MACROD2: variants seen among roughly 807,000 people sequenced by gnomAD.
The protein encoded by MACROD2 is ADP-ribose glycohydrolase MACROD2.
Under a neutral mutation model 70.4 loss-of-function variants are expected in MACROD2, and 36 were observed. That is an observed-to-expected ratio of 0.51 (90% CI 0.39 to 0.68). MACROD2 has a LOEUF of 0.68. Ranked by LOEUF, MACROD2 falls within the 30% of genes least tolerant of loss-of-function variation. MACROD2 has a pLI of 0.00. For synonymous variants in MACROD2, 172 were observed against 178.8 expected, an observed-to-expected ratio of 0.96 and a Z score of 0.30; for missense variants, 496 against 538.4, an observed-to-expected ratio of 0.92 and a Z score of 0.78.
intron 5 of MACROD2, among the ~76,000 whole-genome samples, chr20:14,761,957 C>A (rs1409536126): frequency 6.6e-6 from 1 of 152,148 alleles, no homozygotes; most frequent in Non-Finnish European, 1.5e-5. Context: ...TCACCATGTT[C>A]TCCCAATTCT....
chr20:15,821,443 T>C (rs1173690389), intron 8 of MACROD2, among the ~76,000 whole-genome samples: 1 of 152,126 alleles, frequency 6.6e-6, no homozygotes, highest in Non-Finnish European at 1.5e-5. Flanking sequence ...GTGCTAATAA[T>C]ACATTTCTGA....
chr20:15,502,730 C>T (rs1437448090), intron 8 of MACROD2, among the ~76,000 whole-genome samples: 1 of 152,092 alleles, frequency 6.6e-6, no homozygotes, highest in African/African-American at 2.4e-5. Flanking sequence ...GCCAATAGGA[C>T]TAGAGGATTG....
intron 4 of MACROD2, among the ~76,000 whole-genome samples, chr20:14,581,046 G>A (rs1980981236): frequency 1.3e-5 from 2 of 152,166 alleles, no homozygotes; most frequent in South Asian, 4.1e-4. Flanking sequence ...AGTTTGCAAA[G>A]GCTGATGTCG....
In MACROD2 at chr20:13,995,850, G is replaced by GTT; in HGVS notation, c.46+42_46+43dup. 4.6e-5 allele frequency: 23 copies of GTT among 504,978 alleles called. No individual in the cohort carries two copies. Among genetic ancestry groups the GTT allele is most frequent in the Non-Finnish European group, 7.1e-5 (19 of 266,218 alleles). 31.3% of individuals were successfully genotyped at this position (504,978 alleles called of 1,614,324 possible). A position where few individuals can be genotyped will look rare whatever the true frequency, so the allele number is the denominator to read the frequency against. ...AGTCCTGGGGGTGCGGGCGGTGGGG[G>GTT]TTAGGGTGGGGGCGGGGGTCAGGCT... On this transcript the variant is annotated intron_variant, in intron 1 of 17. Coordinates refer to ENST00000684519, the MANE Select transcript of MACROD2 (RefSeq NM_001351661.2). This position sits in a 1 kb window ranked among gnomAD's most constrained non-coding sequence, Gnocchi z 4.3.
At chr20:15,224,590 A>T (rs2076889238) in intron 5 of MACROD2, among the ~76,000 whole-genome samples, 1 of 152,214 alleles carries the variant, frequency 6.6e-6, no homozygotes, top group Non-Finnish European at 1.5e-5. Flanking sequence ...CTTGACAATT[A>T]TTCAAAATTC....
chr20:15,296,982 A>T (rs1174119068), intron 6 of MACROD2, among the ~76,000 whole-genome samples: 1 of 152,154 alleles, frequency 6.6e-6, no homozygotes, highest in African/African-American at 2.4e-5. Context: ...CCAGCGTAGT[A>T]AATTGTTTGG....
At chr20:15,212,752 A>G (rs2076775273) in intron 5 of MACROD2, among the ~76,000 whole-genome samples, 1 of 152,200 alleles carries the variant, frequency 6.6e-6, no homozygotes, top group Admixed American at 6.5e-5. Context: ...ACACTGCCAT[A>G]TAGTACAACT....
chr20:14,543,711 AT>A (rs1400902553), intron 4 of MACROD2, among the ~76,000 whole-genome samples: 2 of 152,174 alleles, frequency 1.3e-5, no homozygotes, highest in Non-Finnish European at 2.9e-5. Flanking sequence ...TGAAAATATC[AT>A]TAAGTCAAAA....
At chr20:14,946,284 C>G (rs560865134) in intron 5 of MACROD2, among the ~76,000 whole-genome samples, 27 of 152,086 alleles carry the variant, frequency 1.8e-4, no homozygotes, top group Non-Finnish European at 3.7e-4. Flanking sequence ...TAAGCAAATT[C>G]TCAAAGTATG....
intron 2 of MACROD2, among the ~76,000 whole-genome samples, chr20:14,026,189 C>T (rs953920931): frequency 6.6e-6 from 1 of 151,960 alleles, no homozygotes. Flanking sequence ...TTTTTGCTTT[C>T]CATTTGCTCG....
At chr20:15,736,533 A>G (rs1344674832) in intron 8 of MACROD2, among the ~76,000 whole-genome samples, 1 of 134,356 alleles carries the variant, frequency 7.4e-6, no homozygotes, top group Non-Finnish European at 1.7e-5. Flanking sequence ...ACTTTACAAG[A>G]GCTGAGAGTA....
In MACROD2 at chr20:15,509,007, G is replaced by T. The variant is rs1206487796; in HGVS notation, c.645+9160G>T. On this transcript the variant is annotated intron_variant, in intron 8 of 17. Coordinates refer to ENST00000684519, the MANE Select transcript of MACROD2 (RefSeq NM_001351661.2). ...AAAAATAATTTTTAACTAGAGAAAAGAAAAGGTTGAGAATCATTTGGAGGG... is the reference window on the plus strand; with the variant it reads ...AAAAATAATTTTTAACTAGAGAAAATAAAAGGTTGAGAATCATTTGGAGGG... Among the ~76,000 whole-genome samples the T allele has an allele frequency of 6.6e-5, 10 of 152,172 alleles. 1 individual carries two copies. The highest frequency in any genetic ancestry group is 1.3e-4 in the Non-Finnish European group (9 of 68,022).
At chr20:14,057,920 C>T (rs2148653527) in intron 2 of MACROD2, among the ~76,000 whole-genome samples, 1 of 152,248 alleles carries the variant, frequency 6.6e-6, no homozygotes, top group Admixed American at 6.5e-5. Flanking sequence ...ATAAACTAGA[C>T]ACAAATACTT....
intron 8 of MACROD2, among the ~76,000 whole-genome samples, chr20:15,525,487 G>C (rs1425391779): frequency 6.6e-6 from 1 of 152,184 alleles, no homozygotes; most frequent in East Asian, 1.9e-4. Context: ...TTTCCATCAT[G>C]TGTTGGCTTA....
At chr20:14,628,702 A>G (rs753530684) in intron 4 of MACROD2, 1 of 152,224 alleles carries the variant, frequency 6.6e-6, no homozygotes, top group Middle Eastern at 3.2e-3. Context: ...GGACCATATC[A>G]TACAGACAGT....
At chr20:15,653,491 A>T (rs951156558) in intron 8 of MACROD2, among the ~76,000 whole-genome samples, 9 of 152,198 alleles carry the variant, frequency 5.9e-5, no homozygotes, top group African/African-American at 2.2e-4. Context: ...AATTAGATTC[A>T]GTTAGGTTAA....
intron 5 of MACROD2, among the ~76,000 whole-genome samples, chr20:14,963,196 C>T (rs1396747288): frequency 1.3e-5 from 2 of 152,000 alleles, no homozygotes; most frequent in Non-Finnish European, 2.9e-5. Context: ...TATTGAGTAC[C>T]GTAGTAGTAC....
At position 14,726,291 on chromosome 20, in the gene MACROD2, A is replaced by G. The variant is rs553461400; in HGVS notation, c.418+41332A>G. Among the ~76,000 whole-genome samples, 5 of 152,274 alleles carry G rather than the reference A, an allele frequency of 3.3e-5. No homozygotes were observed. In the South Asian group the frequency reaches 1.0e-3, roughly 32 times the overall value. ...TAACCTTGATATTTTGAAATACTAGAATAAGAATTCATACCATACAGTACC... is the reference window on the plus strand; with the variant it reads ...TAACCTTGATATTTTGAAATACTAGGATAAGAATTCATACCATACAGTACC... On this transcript the variant is annotated intron_variant, in intron 5 of 17. Transcript: ENST00000684519.
intron 6 of MACROD2, among the ~76,000 whole-genome samples, chr20:15,237,813 C>G (rs948897046): frequency 1.3e-5 from 2 of 151,964 alleles, no homozygotes; most frequent in African/African-American, 4.8e-5. Flanking sequence ...TTATCTTTCC[C>G]CCTTCATCAG....
Sources: allele counts gnomAD v4.1 joint callset (sites outside exome capture counted in the v4.1 genomes callset), GRCh38; gene constraint gnomAD v4.1.1; non-coding constraint Gnocchi (gnomAD v3.1); transcripts MANE v1.5; gene names NCBI Gene and HGNC (gene_info 2026-07-23, HGNC 2026-07-21).